Variants in OGFRL1 observed in about 807,000 individuals in gnomAD.
OGFRL1 encodes opioid growth factor receptor like 1.
OGFRL1 carries 26 observed loss-of-function variants against 32.4 expected under a neutral mutation model. The ratio of observed to expected loss-of-function variants is 0.80; its 90% confidence interval spans 0.59 to 1.11. OGFRL1 has a LOEUF of 1.11. Ranked by LOEUF, OGFRL1 falls within the 50% of genes most tolerant of loss-of-function variation. OGFRL1 has a pLI of 0.00. For missense variants in OGFRL1, 521 were observed against 546.4 expected (o/e 0.95, Z 0.46); for synonymous variants, 211 against 201.2 (o/e 1.05, Z -0.41).
rs184264185 is a variant in OGFRL1 at position 71,290,832 on chromosome 6, C to G, written c.234+1662C>G. Among the ~76,000 whole-genome samples the G allele has an allele frequency of 4.3e-4, 66 of 152,278 alleles. No individual in the cohort carries two copies. The East Asian group carries it at 8.5e-3, about 20-fold the overall frequency. ...GTGACATTAACCAAGACAGGGAAGT[C>G]TAGGGAGAATGCAGCTATGGAGGTT... is the stretch of plus-strand genomic sequence containing the variant. On this transcript the variant is annotated intron_variant, in intron 1 of 6. Coordinates refer to ENST00000370435, the MANE Select transcript of OGFRL1 (RefSeq NM_024576.5).
rs1766492347 is a variant in OGFRL1, at chr6:71,304,645, T to TTAGC, written c.*2597_*2600dup. ...GCCCTTATGAGTAAAAACATTTCAT[T>TTAGC]TAGCAACTTAACTTTTAGAATATTC... is the stretch of plus-strand genomic sequence containing the variant. On this transcript the variant is annotated 3_prime_UTR_variant, in exon 7 of 7. Coordinates refer to ENST00000370435, the MANE Select transcript of OGFRL1 (RefSeq NM_024576.5). The TTAGC allele has an allele frequency of 6.6e-6, 1 of 152,088 alleles. No homozygotes were observed. The highest frequency in any genetic ancestry group is 2.4e-5 in the African/African-American group (1 of 41,438). The allele number at this position is 152,088 out of a possible 1,614,324, so 9.4% of individuals were successfully genotyped here.
In OGFRL1 at chr6:71,288,834, C is replaced by G; in HGVS notation, c.-103C>G. On this transcript the variant is annotated 5_prime_UTR_variant, in exon 1 of 7. Transcript: ENST00000370435. Reference sequence around the variant, plus strand: ...GCAGTGCGGGGCGGGCGCGCCTAGGCTGCCGCCCAGCGCCCTCGCCGCGGC... The same window carrying G: ...GCAGTGCGGGGCGGGCGCGCCTAGGGTGCCGCCCAGCGCCCTCGCCGCGGC... The G allele has an allele frequency of 1.2e-6, 1 of 868,236 alleles. No homozygotes were observed. The allele number at this position is 868,236 out of a possible 1,614,324, so 53.8% of individuals were successfully genotyped here.
At position 71,296,765 on chromosome 6, in the gene OGFRL1, G is replaced by A; in HGVS notation, c.640G>A (p.Gly214Arg). 1 of 1,613,622 alleles carries A rather than the reference G, an allele frequency of 6.2e-7. No individual in the cohort carries two copies. The highest frequency in any genetic ancestry group is 8.5e-7 in the Non-Finnish European group (1 of 1,179,682). The change falls in exon 6 of 7, where the codon GGA (glycine) becomes AGA (arginine). Residue 214 changes from glycine to arginine, a missense_variant. Gly to Arg is a moderately radical substitution (Grantham distance 125). Transcript: ENST00000370435. ...FFGIKLTDKT[G>R]NVARAVNWQE... is the part of the protein sequence containing the mutation. ...TGGAATAAAACTGACTGATAAAACT[G>A]GAAATGTTGCTCGGGCTGTTAACTG...
intron 1 of OGFRL1, chr6:71,291,970 GCC>G (rs1473770959): frequency 2.0e-5 from 3 of 152,114 alleles, no homozygotes; most frequent in Non-Finnish European, 4.4e-5. Context: ...ACTTCTCTAA[GCC>G]CCTGATATCT....
intron 6 of OGFRL1, among the ~76,000 whole-genome samples, chr6:71,297,358 G>C (rs972296539): frequency 6.6e-6 from 1 of 152,054 alleles, no homozygotes. Flanking sequence ...ACTCATTTTT[G>C]GGTAATAAGT....
At chr6:71,289,783 C>T (rs1454726998) in intron 1 of OGFRL1, 1 of 985,366 alleles carries the variant, frequency 1.0e-6, no homozygotes, top group Non-Finnish European at 1.2e-6. Flanking sequence ...TGTGTTTGAA[C>T]TGTTTGACTA....
In OGFRL1 at chr6:71,289,092, G is replaced by C; in HGVS notation, c.156G>C (p.Gln52His). The C allele has an allele frequency of 2.7e-6, 3 of 1,123,712 alleles. No individual in the cohort carries two copies. The South Asian group carries it at 1.2e-4, about 44-fold the overall frequency. The allele number at this position is 1,123,712 out of a possible 1,614,324, so 69.6% of individuals were successfully genotyped here. ...GPGQESEQPAQPPEQAGGRPG... is the reference protein window; with the variant it reads ...GPGQESEQPAHPPEQAGGRPG... ...GGCAGGAGTCCGAGCAGCCCGCGCA[G>C]CCCCCGGAGCAAGCCGGCGGGCGGC... Residue 52 changes from glutamine (Q) to histidine (H), a missense_variant, in exon 1 of 7, where the codon CAG becomes CAC. By Grantham distance (24) the Gln-to-His change is conservative. Transcript: ENST00000370435.
chr6:71,290,734 G>A (rs76567759), intron 1 of OGFRL1, among the ~76,000 whole-genome samples: 9,319 of 152,226 alleles, frequency 0.061, 467 homozygotes, highest in East Asian at 0.24. Context: ...CTTTTAAAGC[G>A]TATCCCAGAC....
Position 71,307,441 on chromosome 6 carries a change from A to T in OGFRL1, c.*5392A>T, listed in dbSNP as rs1766586640. ...AAACTGTGAGCAGTTGGGCATTAGT[A>T]AATTGTAGTTATATCTTAACGATCT... On this transcript the variant is annotated 3_prime_UTR_variant, in exon 7 of 7. Coordinates refer to ENST00000370435, the MANE Select transcript of OGFRL1 (RefSeq NM_024576.5). 1 of 152,202 alleles carries T rather than the reference A, an allele frequency of 6.6e-6. No homozygotes were observed. 9.4% of individuals were successfully genotyped at this position (152,202 alleles called of 1,614,324 possible).
chr6:71,294,932 C>T (rs1357211595), intron 3 of OGFRL1, among the ~76,000 whole-genome samples: 1 of 151,836 alleles, frequency 6.6e-6, no homozygotes, highest in Non-Finnish European at 1.5e-5. Flanking sequence ...TTTTTTTCTA[C>T]TAGGGAATTT....
In OGFRL1 at chr6:71,306,287, C is replaced by T. The variant is rs983076896; in HGVS notation, c.*4238C>T. 3 of 152,054 alleles carry T rather than the reference C, an allele frequency of 2.0e-5. No homozygotes were observed. The highest frequency in any genetic ancestry group is 2.1e-4 in the South Asian group (1 of 4,830). The allele number at this position is 152,054 out of a possible 1,614,324, so 9.4% of individuals were successfully genotyped here. A position where few individuals can be genotyped will look rare whatever the true frequency, so the allele number is the denominator to read the frequency against. On this transcript the variant is annotated 3_prime_UTR_variant, in exon 7 of 7. Coordinates refer to ENST00000370435, the MANE Select transcript of OGFRL1 (RefSeq NM_024576.5). ...TGCTGGCTTCTTTTTGAGTTTTGTA[C>T]TGTTTATTACAGGAACATATTTGTG...
In OGFRL1 at chr6:71,302,013, A is replaced by G. The variant is rs1392128950; in HGVS notation, c.1320A>G (p.Gly440=). The change falls in exon 7 of 7, where the codon GGA becomes GGG. Residue 440 remains glycine (G), a synonymous_variant. Coordinates refer to ENST00000370435, the MANE Select transcript of OGFRL1 (RefSeq NM_024576.5). ...GNDNQDNENP[G]NTNCHDVVLV... is the part of the protein sequence containing the mutation. ...ATAACCAAGACAATGAAAATCCTGG[A>G]AATACAAATTGCCATGATGTTGTAC... The G allele has an allele frequency of 1.3e-6, 2 of 1,592,834 alleles. No homozygotes were observed. The highest frequency in any genetic ancestry group is 1.7e-6 in the Non-Finnish European group (2 of 1,173,094).
chr6:71,290,177 C>T (rs1234481539), intron 1 of OGFRL1, among the ~76,000 whole-genome samples: 1 of 152,114 alleles, frequency 6.6e-6, no homozygotes, highest in Non-Finnish European at 1.5e-5. Flanking sequence ...TGGGTGTTTG[C>T]TGTGTGGTCT....
chr6:71,297,766 CT>C (rs910748461), intron 6 of OGFRL1, among the ~76,000 whole-genome samples: 45 of 151,678 alleles, frequency 3.0e-4, no homozygotes, highest in African/African-American at 1.1e-3. Flanking sequence ...GAACTTTCAC[CT>C]TGCTTTGGTA....
At chr6:71,295,137 G>C in intron 3 of OGFRL1, 1 of 151,512 alleles carries the variant, frequency 6.6e-6, no homozygotes, top group East Asian at 1.9e-4. Flanking sequence ...ACACACACAC[G>C]CACACACGCA....
chr6:71,289,379 G>C, intron 1 of OGFRL1: 2 of 984,598 alleles, frequency 2.0e-6, no homozygotes, highest in Non-Finnish European at 2.4e-6. Context: ...TCCCACTGCC[G>C]GCCTGGGGCC....
rs1766516144 is a variant in OGFRL1, at chr6:71,305,358, G to C, written c.*3309G>C. The C allele has an allele frequency of 6.6e-6, 1 of 151,978 alleles. No homozygotes were observed. Among genetic ancestry groups the C allele is most frequent in the African/African-American group, 2.4e-5 (1 of 41,426 alleles). The allele number at this position is 151,978 out of a possible 1,614,324, so 9.4% of individuals were successfully genotyped here. On this transcript the variant is annotated 3_prime_UTR_variant, in exon 7 of 7. Transcript: ENST00000370435. ...GATATATTTCTGTACAGTAGAGAAA[G>C]AGTTTATAACATGAAGAATATTGTA...
chr6:71,301,634 C>A lies in OGFRL1; in HGVS notation c.941C>A (p.Pro314Gln), dbSNP rs1454708971. 5.6e-6 allele frequency: 9 copies of A among 1,613,968 alleles called. No individual in the cohort carries two copies. The highest frequency in any genetic ancestry group is 7.6e-6 in the Non-Finnish European group (9 of 1,180,034). ...CCTTCAGAGAACTTTATCTGGGGAC[C>A]GCCTCGAAAAGAACAGTCGGAGGGA... The part of the protein sequence containing the change: ...YTPSENFIWG[P>Q]PRKEQSEGSK... The change falls in exon 7 of 7, where the codon CCG becomes CAG. Residue 314 changes from proline to glutamine, a missense_variant. Pro to Gln is a moderately conservative substitution (Grantham distance 76, BLOSUM62 -1). Transcript: ENST00000370435.
At position 71,289,073 on chromosome 6, in the gene OGFRL1, A is replaced by T; in HGVS notation, c.137A>T (p.Glu46Val). The T allele has an allele frequency of 8.4e-7, 1 of 1,188,492 alleles. No homozygotes were observed. The highest frequency in any genetic ancestry group is 4.6e-5 in the East Asian group (1 of 21,642). The allele number at this position is 1,188,492 out of a possible 1,614,324, so 73.6% of individuals were successfully genotyped here. A position where few individuals can be genotyped will look rare whatever the true frequency, so the allele number is the denominator to read the frequency against. ...GGCGGCAGCGAGGGCCCGGGGCAGG[A>T]GTCCGAGCAGCCCGCGCAGCCCCCG... ...PGGGSEGPGQ[E>V]SEQPAQPPEQ... Residue 46 changes from glutamate (E) to valine (V), a missense_variant, in exon 1 of 7, where the codon GAG (glutamate) becomes GTG (valine). Coordinates refer to ENST00000370435, the MANE Select transcript of OGFRL1 (RefSeq NM_024576.5).
Sources: gnomAD v4.1 joint callset for allele counts (sites outside exome capture counted in the v4.1 genomes callset) on GRCh38, gnomAD v4.1.1 for gene constraint, MANE v1.5 for transcripts, NCBI Gene and HGNC (gene_info 2026-07-23, HGNC 2026-07-21) for gene names.